The following ANK3 variants were observed in gnomAD, a reference collection of about 807,000 sequenced individuals.
ANK3 encodes the protein ankyrin-3.
A neutral mutation model predicts 370.9 loss-of-function variants in ANK3; 57 were observed. The ratio of observed to expected loss-of-function variants is 0.15; its 90% CI spans 0.12 to 0.19. The LOEUF (loss-of-function observed/expected upper bound fraction) is 0.19, where lower values mean the gene tolerates loss of function less well. ANK3 is among the 10% of genes least tolerant of loss of function. The pLI is 1.00. For synonymous variants in ANK3, 1,929 were observed against 1,946.3 expected, an observed-to-expected ratio of 0.99 and a Z score of 0.23; for missense variants, 4,439 against 5,302.1, an observed-to-expected ratio of 0.84 and a Z score of 5.06.
At chr10:60,311,194 G>A (rs1033373876) in intron 1 of ANK3, among the ~76,000 whole-genome samples, 1 of 152,106 alleles carries the variant, frequency 6.6e-6, no homozygotes, top group East Asian at 1.9e-4. Context: ...AGGGCTGTTG[G>A]CTACTGGGTC....
At chr10:60,378,672 T>C (rs2061138006) in intron 1 of ANK3, among the ~76,000 whole-genome samples, 1 of 152,072 alleles carries the variant, frequency 6.6e-6, no homozygotes, top group Non-Finnish European at 1.5e-5. Context: ...GAAACTAGAC[T>C]TTCCCTTCTT....
chr10:60,431,902 T>C (rs1237238700), intron 2 of ANK3, among the ~76,000 whole-genome samples: 1 of 152,182 alleles, frequency 6.6e-6, no homozygotes, highest in Non-Finnish European at 1.5e-5. Context: ...TTCTGACTCA[T>C]TCCTTTCCAT....
chr10:60,042,042 A>G (rs2076189439), intron 43 of ANK3, among the ~76,000 whole-genome samples: 1 of 152,248 alleles, frequency 6.6e-6, no homozygotes, highest in Non-Finnish European at 1.5e-5. Flanking sequence ...CTAAGTAGAA[A>G]TAAATAGGAC....
intron 2 of ANK3, among the ~76,000 whole-genome samples, chr10:60,538,765 T>C (rs1211725974): frequency 6.6e-6 from 1 of 151,894 alleles, no homozygotes; most frequent in East Asian, 1.9e-4. Context: ...ATAGTAAATA[T>C]ATATTTACTA....
At chr10:60,228,694 G>C (rs1476954231) in intron 8 of ANK3, among the ~76,000 whole-genome samples, 1 of 151,956 alleles carries the variant, frequency 6.6e-6, no homozygotes, top group Non-Finnish European at 1.5e-5. Flanking sequence ...ATTAAAGATG[G>C]TTATAGTTGA....
chr10:60,321,059 G>T (rs992469315), intron 1 of ANK3, among the ~76,000 whole-genome samples: 5 of 152,162 alleles, frequency 3.3e-5, no homozygotes, highest in African/African-American at 4.8e-5. Flanking sequence ...AACATTAAAA[G>T]TGGAAGGTGT....
chr10:60,644,911 G>T, intron 1 of ANK3, among the ~76,000 whole-genome samples: 1 of 114,256 alleles, frequency 8.8e-6, no homozygotes, highest in Non-Finnish European at 1.8e-5. Flanking sequence ...AAAACGATGA[G>T]TCATTGCTGC....
At chr10:60,460,830 A>T (rs1007525821) in intron 2 of ANK3, among the ~76,000 whole-genome samples, 41 of 152,310 alleles carry the variant, frequency 2.7e-4, no homozygotes, top group Middle Eastern at 3.4e-3. Flanking sequence ...TTATTGCTGA[A>T]TTTTATTAAA....
intron 1 of ANK3, among the ~76,000 whole-genome samples, chr10:60,619,432 A>G (rs1336752801): frequency 6.6e-6 from 1 of 152,218 alleles, no homozygotes; most frequent in Non-Finnish European, 1.5e-5. Flanking sequence ...AAACAGAATT[A>G]AACTAATTAT....
chr10:60,683,537 T>A (rs759375952), intron 1 of ANK3, among the ~76,000 whole-genome samples: 1 of 152,238 alleles, frequency 6.6e-6, no homozygotes, highest in Non-Finnish European at 1.5e-5. Flanking sequence ...TTTGAAGATA[T>A]TTCACAAGTG....
intron 1 of ANK3, among the ~76,000 whole-genome samples, chr10:60,647,947 A>G (rs2078731506): frequency 6.6e-6 from 1 of 151,394 alleles, no homozygotes; most frequent in African/African-American, 2.4e-5. Context: ...TCCCAGGTTC[A>G]AGTGATTCCC....
At chr10:60,657,380 C>A (rs377408761) in intron 1 of ANK3, among the ~76,000 whole-genome samples, 54 of 152,232 alleles carry the variant, frequency 3.5e-4, no homozygotes, top group Non-Finnish European at 6.5e-4. Flanking sequence ...GAACACCTGG[C>A]CTCAAGTGAT....
chr10:60,606,705 A>C (rs952411898), intron 2 of ANK3, among the ~76,000 whole-genome samples: 1 of 152,190 alleles, frequency 6.6e-6, no homozygotes, highest in Non-Finnish European at 1.5e-5. Context: ...TGGAATTCAC[A>C]GAAGAGAGGA....
At chr10:60,188,585 A>G (rs1027158177) in intron 16 of ANK3, among the ~76,000 whole-genome samples, 2 of 152,190 alleles carry the variant, frequency 1.3e-5, no homozygotes, top group African/African-American at 4.8e-5. Flanking sequence ...TGCTGCACCC[A>G]GTACTCAGCC....
chr10:60,103,912 A>C (rs926955335), intron 28 of ANK3, among the ~76,000 whole-genome samples: 2 of 152,232 alleles, frequency 1.3e-5, no homozygotes, highest in Admixed American at 1.3e-4. Flanking sequence ...AGCCATAAAA[A>C]AGAATGAGAT....
chr10:60,568,150 A>G (rs2077507175), intron 2 of ANK3, among the ~76,000 whole-genome samples: 1 of 152,228 alleles, frequency 6.6e-6, no homozygotes, highest in African/African-American at 2.4e-5. Context: ...TCAATTTTAA[A>G]GAAGTTCTAC....
chr10:60,733,200 C>G (rs1034213108), intron 1 of ANK3: 8 of 1,226,454 alleles, frequency 6.5e-6, no homozygotes, highest in Non-Finnish European at 8.1e-6. Flanking sequence ...CTCCCGCCCG[C>G]CCGGGTCCCC....
intron 8 of ANK3, among the ~76,000 whole-genome samples, chr10:60,228,498 C>T (rs1046536800): frequency 2.7e-5 from 4 of 147,486 alleles, no homozygotes; most frequent in African/African-American, 1.0e-4. Context: ...CGCCACTACA[C>T]TCCAGCCTGG....
chr10:60,623,870 A>T (rs2078372722), intron 1 of ANK3, among the ~76,000 whole-genome samples: 2 of 152,174 alleles, frequency 1.3e-5, no homozygotes, highest in South Asian at 4.1e-4. Flanking sequence ...AATGTGATTT[A>T]TATATGGTAG....
Sources: gnomAD v4.1 joint callset for allele counts (sites outside exome capture counted in the v4.1 genomes callset) on GRCh38, gnomAD v4.1.1 for gene constraint, MANE v1.5 for transcripts, NCBI Gene and HGNC (gene_info 2026-07-23, HGNC 2026-07-21) for gene names.